NALF1: variants seen among roughly 807,000 people sequenced by gnomAD.
NALF1 encodes the protein family with sequence similarity 155 member A.
Under a neutral mutation model 48.4 loss-of-function variants are expected in NALF1, and 3 were observed. That is an observed-to-expected ratio of 0.06 (90% CI 0.03 to 0.16). NALF1 has a LOEUF of 0.16. Ranked by LOEUF, NALF1 falls within the 10% of genes least tolerant of loss-of-function variation. The pLI, the probability that NALF1 is intolerant of heterozygous loss-of-function variation, is 1.00. For synonymous variants in NALF1, 262 were observed against 245.7 expected (o/e 1.07, Z -0.62); for missense variants, 526 against 571.5 (o/e 0.92, Z 0.81).
chr13:107,450,817 C>T (rs963813421), intron 1 of NALF1, among the ~76,000 whole-genome samples: 3 of 152,142 alleles, frequency 2.0e-5, no homozygotes, highest in Non-Finnish European at 2.9e-5. Context: ...ACGAAAGAAT[C>T]CAAATTCATG....
At chr13:107,310,484 T>C (rs946191756) in intron 1 of NALF1, among the ~76,000 whole-genome samples, 2 of 152,094 alleles carry the variant, frequency 1.3e-5, no homozygotes, top group African/African-American at 4.8e-5. Context: ...ATAATGTTTT[T>C]ACATCAAAGT....
chr13:107,397,594 C>T (rs1225075904), intron 1 of NALF1, among the ~76,000 whole-genome samples: 1 of 152,080 alleles, frequency 6.6e-6, no homozygotes, highest in Non-Finnish European at 1.5e-5. Context: ...GGTTTCTGTC[C>T]ATATTTGAAA....
chr13:107,503,244 T>G (rs1343104717), intron 1 of NALF1, among the ~76,000 whole-genome samples: 2 of 152,096 alleles, frequency 1.3e-5, no homozygotes, highest in South Asian at 4.2e-4. Context: ...AGACCAACAT[T>G]TTAACGGGCC....
intron 1 of NALF1, among the ~76,000 whole-genome samples, chr13:107,558,323 C>CT (rs1252271512): frequency 6.6e-6 from 1 of 151,634 alleles, no homozygotes; most frequent in Non-Finnish European, 1.5e-5. Context: ...TTTTATCAAT[C>CT]TTTTTTAGAA....
intron 1 of NALF1, among the ~76,000 whole-genome samples, chr13:107,512,911 G>C (rs1376133439): frequency 2.0e-5 from 3 of 152,072 alleles, no homozygotes; most frequent in Non-Finnish European, 4.4e-5. Context: ...CCAGAGTCGA[G>C]TTCCGCCTCT....
At chr13:107,188,812 A>G (rs908720397) in intron 2 of NALF1, among the ~76,000 whole-genome samples, 4 of 152,200 alleles carry the variant, frequency 2.6e-5, no homozygotes, top group African/African-American at 9.7e-5. Flanking sequence ...TGAATGCGCT[A>G]ATTCACTGAG....
chr13:107,861,117 C>T (rs1269633110), intron 1 of NALF1, among the ~76,000 whole-genome samples: 2 of 151,870 alleles, frequency 1.3e-5, no homozygotes, highest in Admixed American at 6.6e-5. Context: ...AATCATAAAT[C>T]AATAGTTGTA....
chr13:107,461,014 T>C (rs1368754434), intron 1 of NALF1, among the ~76,000 whole-genome samples: 1 of 152,166 alleles, frequency 6.6e-6, no homozygotes, highest in Non-Finnish European at 1.5e-5. Context: ...AAAGCCACCT[T>C]TAAAATATAG....
At chr13:107,204,136 C>T (rs1236062864) in intron 2 of NALF1, among the ~76,000 whole-genome samples, 2 of 149,282 alleles carry the variant, frequency 1.3e-5, no homozygotes, top group African/African-American at 2.5e-5. Context: ...TGCTCTCCAA[C>T]GAGCATCACC....
chr13:107,193,213 C>T (rs1879318996), intron 2 of NALF1, among the ~76,000 whole-genome samples: 1 of 151,928 alleles, frequency 6.6e-6, no homozygotes, highest in Non-Finnish European at 1.5e-5. Flanking sequence ...ATAGATGTTT[C>T]AGTATAAATA....
chr13:107,231,238 T>C (rs1880218822), intron 1 of NALF1, among the ~76,000 whole-genome samples: 1 of 152,114 alleles, frequency 6.6e-6, no homozygotes, highest in South Asian at 2.1e-4. Flanking sequence ...AAGATGGGAA[T>C]AGAAGAAAGA....
At chr13:107,573,739 T>C (rs185811702) in intron 1 of NALF1, among the ~76,000 whole-genome samples, 73 of 152,260 alleles carry the variant, frequency 4.8e-4, no homozygotes, top group Middle Eastern at 6.8e-3. Flanking sequence ...TCCTATGCTG[T>C]AATCATGATA....
At chr13:107,254,739 T>A (rs1880777957) in intron 1 of NALF1, among the ~76,000 whole-genome samples, 2 of 152,222 alleles carry the variant, frequency 1.3e-5, no homozygotes, top group South Asian at 4.1e-4. Context: ...TCATTACTAC[T>A]GATGTCAACA....
chr13:107,253,476 G>A (rs1320281002), intron 1 of NALF1, among the ~76,000 whole-genome samples: 1 of 152,140 alleles, frequency 6.6e-6, no homozygotes, highest in Non-Finnish European at 1.5e-5. Context: ...GCTCCCTCTA[G>A]TGAGTGCCTA....
chr13:107,539,436 C>T (rs1185276897), intron 1 of NALF1, among the ~76,000 whole-genome samples: 1 of 149,876 alleles, frequency 6.7e-6, no homozygotes, highest in African/African-American at 2.5e-5. Context: ...CTTATTAGCC[C>T]CGCTTCTCAA....
intron 1 of NALF1, among the ~76,000 whole-genome samples, chr13:107,428,471 A>G (rs779729373): frequency 6.6e-6 from 1 of 152,146 alleles, no homozygotes; most frequent in Non-Finnish European, 1.5e-5. Flanking sequence ...TTTCAATTCT[A>G]TCTATAATTT....
chr13:107,864,488 C>G (rs1880656931), intron 1 of NALF1, among the ~76,000 whole-genome samples: 1 of 152,124 alleles, frequency 6.6e-6, no homozygotes, highest in South Asian at 2.1e-4. Flanking sequence ...CCCAGCAGAA[C>G]GCAAGTGAGA....
Position 107,477,921 on chromosome 13 carries a change from G to A in NALF1, c.916-267166C>T, listed in dbSNP as rs181037251. 2.0e-5 allele frequency among the ~76,000 whole-genome samples: 3 copies of A among 152,114 alleles called. No individual in the cohort carries two copies. The East Asian group carries it at 5.8e-4, about 29-fold the overall frequency. On this transcript the variant is annotated intron_variant, in intron 1 of 2. Coordinates refer to ENST00000375915, the MANE Select transcript of NALF1 (RefSeq NM_001080396.3). ...TTCTATCTCCCAGTCCTTATAGGAGGGTAGAAGCCTAACTTCAGCAGATGC... is the reference window on the plus strand; with the variant it reads ...TTCTATCTCCCAGTCCTTATAGGAGAGTAGAAGCCTAACTTCAGCAGATGC...
intron 1 of NALF1, among the ~76,000 whole-genome samples, chr13:107,299,435 C>CAATAATAAT (rs549026613): frequency 0.05 from 6,207 of 123,876 alleles, 227 homozygotes; most frequent in East Asian, 0.16. Context: ...GACTTTGTCT[C>CAATAATAAT]AATAATAATA....
Sources: gnomAD v4.1 joint callset for allele counts (sites outside exome capture counted in the v4.1 genomes callset) on GRCh38, gnomAD v4.1.1 for gene constraint, MANE v1.5 for transcripts, NCBI Gene and HGNC (gene_info 2026-07-23, HGNC 2026-07-21) for gene names.